MAP3K15: variants seen among roughly 807,000 people sequenced by gnomAD.
MAP3K15 encodes the protein mitogen-activated protein kinase kinase kinase 15.
In MAP3K15, 124 loss-of-function variants were observed where a neutral mutation model predicts 99.5. The observed-to-expected ratio is 1.25, with a 90% CI of 1.08 to 1.45. The LOEUF (loss-of-function observed/expected upper bound fraction) is 1.45, where lower values mean the gene tolerates loss of function less well. Among genes scored for constraint, MAP3K15 ranks in the 40% most tolerant of loss-of-function variants. The probability of loss-of-function intolerance (pLI) is 0.00; values close to 1 mark genes in which losing one functional copy is unlikely to be tolerated. For synonymous variants in MAP3K15, 494 were observed against 439.6 expected, an observed-to-expected ratio of 1.12 and a Z score of -1.55; for missense variants, 1,242 against 1,079.7, an observed-to-expected ratio of 1.15 and a Z score of -2.11.
chrX:19,407,433 T>C, intron 12 of MAP3K15, 150 bp from the exon 13 acceptor site: 1 of 373,098 alleles, frequency 2.7e-6, no homozygotes. Context: ...TATTTCTCTA[T>C]GAAATTTAAA....
At chrX:19,451,468 A>T (rs914697444) in intron 6 of MAP3K15, among the ~76,000 whole-genome samples, 1 of 101,991 alleles carries the variant, frequency 9.8e-6, no homozygotes, top group Non-Finnish European at 2.1e-5. Context: ...ACCCTCCTAC[A>T]ACTCAACAAC....
intron 9 of MAP3K15, among the ~76,000 whole-genome samples, chrX:19,418,266 C>A (rs1271444495): frequency 1.8e-5 from 2 of 110,886 alleles, no homozygotes; most frequent in Non-Finnish European, 3.8e-5. Context: ...GAAGTTCGAA[C>A]CCATGGCAAA....
chrX:19,484,812 G>A (rs989049597), intron 3 of MAP3K15, among the ~76,000 whole-genome samples: 3 of 111,926 alleles, frequency 2.7e-5, no homozygotes, highest in South Asian at 3.7e-4. Context: ...TACAGATGTT[G>A]AGGGCTAGAA....
intron 9 of MAP3K15, among the ~76,000 whole-genome samples, chrX:19,417,291 C>G (rs2063744098): frequency 8.9e-6 from 1 of 112,401 alleles, no homozygotes; most frequent in African/African-American, 3.2e-5. Context: ...ATTCCCTTTC[C>G]TAGTCAAAGC....
chrX:19,385,434 TC>T (rs1198282610), intron 18 of MAP3K15, among the ~76,000 whole-genome samples: 5 of 111,447 alleles, frequency 4.5e-5, no homozygotes, highest in Non-Finnish European at 7.5e-5. Context: ...TCCCACTTCT[TC>T]CTATTCATCA....
chrX:19,365,414 A>G (rs748642496), intron 25 of MAP3K15, among the ~76,000 whole-genome samples: 2 of 111,997 alleles, frequency 1.8e-5, no homozygotes, highest in African/African-American at 6.5e-5. Context: ...GTTTCTCCAC[A>G]GCTCTCCATA....
At chrX:19,483,721 A>C (rs2064306565) in intron 3 of MAP3K15, among the ~76,000 whole-genome samples, 1 of 111,455 alleles carries the variant, frequency 9.0e-6, no homozygotes, top group African/African-American at 3.3e-5. Context: ...AATTGAGCAA[A>C]TTCTCCTTAG....
At chrX:19,367,321 C>T (rs1257172024) in intron 25 of MAP3K15, among the ~76,000 whole-genome samples, 1 of 110,724 alleles carries the variant, frequency 9.0e-6, no homozygotes, top group African/African-American at 3.3e-5. Flanking sequence ...CTGGGGCCTA[C>T]CAGAGGGTGG....
rs76689000 is a variant in MAP3K15, at chrX:19,395,190, G to A, written c.2085C>T (p.His695=). 1.7e-3 allele frequency: 2,002 copies of A among 1,204,898 alleles called. 16 individuals are homozygous for A. In the African/African-American group the frequency reaches 0.03, roughly 18 times the overall value. ...GGTACTTGTGCAGGGCTATCTCCTC[G>A]TGCAGAGGCTGAGAATACCTATTGG... ...ERDSRYSQPL[H]EEIALHKYLK... is the part of the protein sequence containing the mutation. Residue 695 remains histidine, a synonymous_variant, in exon 16 of 29, where the codon CAC becomes CAT. Transcript: ENST00000338883.
chrX:19,435,093 G>A (rs748509035), intron 6 of MAP3K15, among the ~76,000 whole-genome samples: 13 of 112,053 alleles, frequency 1.2e-4, no homozygotes, highest in Admixed American at 4.8e-4. Context: ...AATTTCTAAT[G>A]TCTGTGGCAA....
At chrX:19,378,548 A>C (rs2063436577) in intron 19 of MAP3K15, among the ~76,000 whole-genome samples, 1 of 111,634 alleles carries the variant, frequency 9.0e-6, no homozygotes, top group South Asian at 3.8e-4. Context: ...ACTCACTATC[A>C]GAAGAACTGG....
chrX:19,510,696 C>T (rs2064511580), intron 1 of MAP3K15, among the ~76,000 whole-genome samples: 1 of 111,742 alleles, frequency 8.9e-6, no homozygotes, highest in Non-Finnish European at 1.9e-5. Context: ...CTGGCCAGGG[C>T]AATCAGGCAG....
At chrX:19,514,213 G>A (rs942355268) in intron 1 of MAP3K15, among the ~76,000 whole-genome samples, 2 of 109,641 alleles carry the variant, frequency 1.8e-5, no homozygotes, top group African/African-American at 3.3e-5. Flanking sequence ...TATGTCATTG[G>A]TCTGGGGTCC....
intron 11 of MAP3K15, among the ~76,000 whole-genome samples, chrX:19,411,818 C>T (rs1348512343): frequency 2.7e-5 from 3 of 111,196 alleles, no homozygotes; most frequent in Non-Finnish European, 3.8e-5. Context: ...GTGGAGTGAG[C>T]GGGATGGGAG....
rs1227922017 is a variant in MAP3K15, at chrX:19,515,460, G to C, written c.-199C>G. On this transcript the variant is annotated 5_prime_UTR_variant, in exon 1 of 29. Coordinates refer to ENST00000338883, the MANE Select transcript of MAP3K15 (RefSeq NM_001001671.4). Reference sequence around the variant, plus strand: ...CAGTACCCCTAGGCTGCAGCCTGACGCTCAGGCCCCAAGGCCCCCAGCGCC... The same window carrying C: ...CAGTACCCCTAGGCTGCAGCCTGACCCTCAGGCCCCAAGGCCCCCAGCGCC... Among the ~76,000 whole-genome samples, 1 of 111,878 alleles carries C rather than the reference G, an allele frequency of 8.9e-6. No individual in the cohort carries two copies. The highest frequency in any genetic ancestry group is 1.9e-5 in the Non-Finnish European group (1 of 52,821).
intron 11 of MAP3K15, among the ~76,000 whole-genome samples, chrX:19,412,383 T>C (rs185056058): frequency 4.4e-4 from 49 of 112,382 alleles, no homozygotes; most frequent in East Asian, 3.1e-3. Flanking sequence ...CTTCTGTGCA[T>C]GATACAGGCA....
chrX:19,419,391 A>G lies in MAP3K15; in HGVS notation c.1440-4134T>C, dbSNP rs2063763676. On this transcript the variant is annotated intron_variant, in intron 9 of 28. Coordinates refer to ENST00000338883, the MANE Select transcript of MAP3K15 (RefSeq NM_001001671.4). Reference sequence around the variant, plus strand: ...AAAAAAAGGCAGGGGTTGCAATCCTAGTCTCTGATAAAACAGACTTTAAAC... The same window carrying G: ...AAAAAAAGGCAGGGGTTGCAATCCTGGTCTCTGATAAAACAGACTTTAAAC... Among the ~76,000 whole-genome samples, 4 of 109,463 alleles carry G rather than the reference A, an allele frequency of 3.7e-5. No homozygotes were observed. The South Asian group carries it at 1.6e-3, about 44-fold the overall frequency.
chrX:19,406,980 C>T (rs190593605), intron 13 of MAP3K15, among the ~76,000 whole-genome samples: 346 of 112,485 alleles, frequency 3.1e-3, no homozygotes, highest in African/African-American at 0.011. Context: ...AGATTACAGG[C>T]GTGAGCTACT....
At chrX:19,397,764 C>G (rs777100823) in intron 15 of MAP3K15, among the ~76,000 whole-genome samples, 1 of 111,849 alleles carries the variant, frequency 8.9e-6, no homozygotes, top group East Asian at 2.8e-4. Context: ...TTTTCTCAAT[C>G]TATAATACAC....
Sources: gnomAD v4.1 joint callset for allele counts (sites outside exome capture counted in the v4.1 genomes callset) on GRCh38, gnomAD v4.1.1 for gene constraint, MANE v1.5 for transcripts, NCBI Gene and HGNC (gene_info 2026-07-23, HGNC 2026-07-21) for gene names.